The following EPB41L1 variants were observed in gnomAD, a reference collection of about 807,000 sequenced individuals.
EPB41L1 encodes the protein erythrocyte membrane protein band 4.1 like 1.
EPB41L1 carries 29 observed loss-of-function variants against 97.8 expected under a neutral mutation model. The observed-to-expected ratio is 0.30, with a 90% CI of 0.22 to 0.40. The LOEUF is 0.40. Ranked by LOEUF, EPB41L1 falls within the 10% of genes least tolerant of loss-of-function variation. The pLI, the probability that EPB41L1 is intolerant of heterozygous loss-of-function variation, is 1.00. For synonymous variants in EPB41L1, 383 were observed against 459.2 expected (o/e 0.83, Z 2.12); for missense variants, 812 against 1,162.3 (o/e 0.70, Z 4.38).
intron 18 of EPB41L1, among the ~76,000 whole-genome samples, chr20:36,219,206 G>A (rs369379610): frequency 6.6e-5 from 10 of 152,316 alleles, no homozygotes; most frequent in South Asian, 2.1e-4. Flanking sequence ...AGGGTAAAGC[G>A]GCCCCTCACC....
chr20:36,147,954 T>C (rs111593662), intron 2 of EPB41L1, among the ~76,000 whole-genome samples: 79 of 152,182 alleles, frequency 5.2e-4, no homozygotes, highest in African/African-American at 1.9e-3. Flanking sequence ...CCAGACCTCC[T>C]AGAGGGGCTG....
intron 14 of EPB41L1, chr20:36,208,249 A>C (rs959431991): frequency 5.4e-6 from 2 of 372,124 alleles, no homozygotes; most frequent in Non-Finnish European, 1.1e-5. Context: ...TCTCAGTCCC[A>C]GTGCCAAGTT....
Position 36,232,329 on chromosome 20 carries a change from G to T in EPB41L1, c.*2989G>T. The T allele has an allele frequency of 3.1e-6, 1 of 326,848 alleles. No homozygotes were observed. The highest frequency in any genetic ancestry group is 5.5e-6 in the Non-Finnish European group (1 of 181,484). The allele number at this position is 326,848 out of a possible 1,614,324, so 20.2% of individuals were successfully genotyped here. A position where few individuals can be genotyped will look rare whatever the true frequency, so the allele number is the denominator to read the frequency against. On this transcript the variant is annotated 3_prime_UTR_variant, in exon 22 of 22. Coordinates refer to ENST00000338074, the MANE Select transcript of EPB41L1 (RefSeq NM_012156.2). ...CTGAGGGCGGTTAGGAGTTCTGGGTGACCATCCTGGCTCAGCTCCTAACTC... is the reference window on the plus strand; with the variant it reads ...CTGAGGGCGGTTAGGAGTTCTGGGTTACCATCCTGGCTCAGCTCCTAACTC...
chr20:36,150,339 G>A (rs1329037885), upstream of EPB41L1: 4 of 152,092 alleles, frequency 2.6e-5, no homozygotes, highest in Non-Finnish European at 5.9e-5. Context: ...CCAAAGTGCT[G>A]GGATTACAGG....
intron 2 of EPB41L1, among the ~76,000 whole-genome samples, chr20:36,123,535 G>A (rs769004729): frequency 1.3e-5 from 2 of 152,144 alleles, no homozygotes; most frequent in Non-Finnish European, 2.9e-5. Flanking sequence ...CCGCCTCCTG[G>A]GTTCAAGTGA....
intron 1 of EPB41L1, among the ~76,000 whole-genome samples, chr20:36,170,998 C>T (rs965895715): frequency 2.0e-5 from 3 of 151,934 alleles, no homozygotes; most frequent in South Asian, 2.1e-4. Flanking sequence ...GGAAAAGTTC[C>T]GAGAGTGTGA....
chr20:36,159,177 A>G (rs1045954295), intron 1 of EPB41L1, among the ~76,000 whole-genome samples: 1 of 152,164 alleles, frequency 6.6e-6, no homozygotes. Flanking sequence ...GAGTTTGAGA[A>G]GGGCTGGTCT....
At chr20:36,175,526 A>G in intron 2 of EPB41L1, 25 bp from the exon 3 acceptor site, 2 of 1,614,112 alleles carry the variant, frequency 1.2e-6, no homozygotes, top group Non-Finnish European at 1.7e-6. Flanking sequence ...CACTGAGCAA[A>G]CTATTCCCTT....
chr20:36,184,112 G>A (rs2061578482), intron 6 of EPB41L1, among the ~76,000 whole-genome samples: 1 of 152,102 alleles, frequency 6.6e-6, no homozygotes, highest in Non-Finnish European at 1.5e-5. Context: ...GCATGTGGCT[G>A]TAATCCCAGC....
At chr20:36,106,727 G>C (rs1166774577) in intron 1 of EPB41L1, among the ~76,000 whole-genome samples, 1 of 152,248 alleles carries the variant, frequency 6.6e-6, no homozygotes, top group African/African-American at 2.4e-5. Context: ...ATCAGCCCAG[G>C]CCCTCAAGGA....
intron 4 of EPB41L1, 30 bp from the exon 5 acceptor site, chr20:36,178,600 C>G (rs201399658): frequency 1.3e-4 from 202 of 1,612,232 alleles, no homozygotes; most frequent in Non-Finnish European, 1.6e-4. Flanking sequence ...CCTGCGTCTT[C>G]CCTCTGAAGA....
intron 2 of EPB41L1, among the ~76,000 whole-genome samples, chr20:36,123,174 G>C (rs1457680150): frequency 6.6e-6 from 1 of 151,900 alleles, no homozygotes; most frequent in Middle Eastern, 3.4e-3. Context: ...CTCCATGATC[G>C]GGGGGGAGGG....
rs2061506295 is a variant in EPB41L1, at chr20:36,182,359, G to T, written c.566+12G>T. The T allele has an allele frequency of 6.2e-7, 1 of 1,613,900 alleles. No individual in the cohort carries two copies. The highest frequency in any genetic ancestry group is 8.5e-7 in the Non-Finnish European group (1 of 1,179,768). ...GAAGACATCACAAGGTGAGGGCTGTGGAGGGAGAGACAGGTGTGCTGGCTG... is the reference window on the plus strand; with the variant it reads ...GAAGACATCACAAGGTGAGGGCTGTTGAGGGAGAGACAGGTGTGCTGGCTG... On this transcript the variant is annotated intron_variant, in intron 6 of 21. Transcript: ENST00000338074.
In EPB41L1 at chr20:36,195,996, G is replaced by A. The variant is rs188116532; in HGVS notation, c.1485+632G>A. 8.8e-4 allele frequency among the ~76,000 whole-genome samples: 134 copies of A among 152,148 alleles called. 1 individual carries two copies. Among genetic ancestry groups the A allele is most frequent in the Admixed American group, 1.8e-3 (28 of 15,286 alleles). On this transcript the variant is annotated intron_variant, in intron 13 of 21. Coordinates refer to ENST00000338074, the MANE Select transcript of EPB41L1 (RefSeq NM_012156.2). The surrounding 1 kb of genome is among the most constrained non-coding windows in gnomAD (Gnocchi z 4.6). ...CTCCTCCTTTTCTCCTCCTTTCCTC[G>A]TCTTCTTCCCATTTGTTGCTTCCCC...
At position 36,126,612 on chromosome 20, in the gene EPB41L1, C is replaced by T. The variant is rs139482272; in HGVS notation, c.-10+14132C>T. On this transcript the variant is annotated intron_variant, in intron 2 of 19. Transcript: ENST00000202028. ...AACTCCCGACCTCGGATGATCCGCC[C>T]GCCTCGGCCTCCCAAAGTGCTGGGA... Among the ~76,000 whole-genome samples the T allele has an allele frequency of 3.9e-4, 59 of 152,210 alleles. 1 individual carries two copies. Among genetic ancestry groups the T allele is most frequent in the East Asian group, 2.7e-3 (14 of 5,172 alleles).
chr20:36,184,406 C>G (rs570364894), intron 6 of EPB41L1, among the ~76,000 whole-genome samples: 2 of 151,990 alleles, frequency 1.3e-5, no homozygotes, highest in African/African-American at 2.4e-5. Flanking sequence ...AATCGTCCAA[C>G]TGTGCATAAA....
chr20:36,180,591 ACTGC>A (rs1306479365), intron 5 of EPB41L1, among the ~76,000 whole-genome samples: 2 of 152,108 alleles, frequency 1.3e-5, no homozygotes, highest in South Asian at 2.1e-4. Context: ...CTGAGGCCAG[ACTGC>A]CTGGATTTGA....
chr20:36,223,611 G>A (rs994061421), intron 21 of EPB41L1, among the ~76,000 whole-genome samples: 4 of 152,086 alleles, frequency 2.6e-5, no homozygotes, highest in Admixed American at 6.5e-5. Context: ...GATTCCATTC[G>A]TAGGGAGTCC....
intron 14 of EPB41L1, among the ~76,000 whole-genome samples, chr20:36,205,664 A>G (rs1365344768): frequency 6.6e-6 from 1 of 152,168 alleles, no homozygotes; most frequent in Non-Finnish European, 1.5e-5. Flanking sequence ...TGATGGGAAG[A>G]GGGACCTTGA....
Sources: allele counts gnomAD v4.1 joint callset (sites outside exome capture counted in the v4.1 genomes callset), GRCh38; gene constraint gnomAD v4.1.1; non-coding constraint Gnocchi (gnomAD v3.1); transcripts MANE v1.5; gene names NCBI Gene and HGNC (gene_info 2026-07-23, HGNC 2026-07-21).